Variants in ASXL1 observed in about 807,000 individuals in gnomAD.
ASXL1 encodes the protein ASXL transcriptional regulator 1.
ASXL1 carries 65 observed loss-of-function variants against 89.1 expected under a neutral mutation model. That is an observed-to-expected ratio of 0.73 (90% CI 0.60 to 0.90). The LOEUF (loss-of-function observed/expected upper bound fraction) is 0.90. Ranked by LOEUF, ASXL1 falls within the 40% of genes least tolerant of loss-of-function variation. The pLI, the probability that ASXL1 is intolerant of heterozygous loss-of-function variation, is 0.00. For synonymous variants in ASXL1, 739 were observed against 746.9 expected, an observed-to-expected ratio of 0.99 and a Z score of 0.17; for missense variants, 1,786 against 1,942.9, an observed-to-expected ratio of 0.92 and a Z score of 1.52.
intron 4 of ASXL1, among the ~76,000 whole-genome samples, chr20:32,389,889 C>A (rs899737035): frequency 6.6e-6 from 1 of 152,190 alleles, no homozygotes; most frequent in African/African-American, 2.4e-5. Flanking sequence ...TTTTAGTGTA[C>A]AAGTATACAG....
intron 4 of ASXL1, among the ~76,000 whole-genome samples, chr20:32,422,580 ATTTTT>A (rs11167168): frequency 2.8e-5 from 3 of 108,044 alleles, no homozygotes; most frequent in African/African-American, 3.8e-5. Context: ...GGATTGGTTA[ATTTTT>A]TTTTTTTTTT....
rs2012011815 is a variant in ASXL1, at chr20:32,437,726, TC to T, written c.*390del. On this transcript the variant is annotated 3_prime_UTR_variant, in exon 13 of 13. Transcript: ENST00000375687. ...CTGAACTAAGTAGAAATGCCAGTCT[TC>T]CACTACCCCCTCCCTGCCATCTTTT... The T allele has an allele frequency of 6.4e-6, 2 of 312,896 alleles. No homozygotes were observed. Among genetic ancestry groups the T allele is most frequent in the South Asian group, 1.2e-4 (2 of 16,810 alleles). The allele number at this position is 312,896 out of a possible 1,614,324, so 19.4% of individuals were successfully genotyped here. A position where few individuals can be genotyped will look rare whatever the true frequency, so the allele number is the denominator to read the frequency against.
rs2011936914 is a variant in ASXL1 at position 32,436,874 on chromosome 20, A to G, written c.4162A>G (p.Thr1388Ala). Residue 1388 changes from threonine (T) to alanine (A), a missense_variant, in exon 13 of 13, where the codon ACT becomes GCT. Thr to Ala is a moderately conservative substitution (Grantham distance 58). Around this residue, in one of 3 missense-constraint regions of ASXL1, gnomAD observed 1,418 missense variants for 1,427.8 expected, o/e 0.99. Transcript: ENST00000375687. Reference sequence around the variant, plus strand: ...GGCAAATGCCGAGAACAGGAAAGCTACTGGGCATAGTCCCCTGGAACTGGT... The same window carrying G: ...GGCAAATGCCGAGAACAGGAAAGCTGCTGGGCATAGTCCCCTGGAACTGGT... ...LKANAENRKA[T>A]GHSPLELVGH... 3.1e-6 allele frequency: 5 copies of G among 1,614,226 alleles called. No homozygotes were observed. The highest frequency in any genetic ancestry group is 4.2e-6 in the Non-Finnish European group (5 of 1,180,036).
chr20:32,358,419 TC>T lies in ASXL1; in HGVS notation c.-355del. The T allele has an allele frequency of 4.3e-6, 1 of 233,260 alleles. No homozygotes were observed. Among genetic ancestry groups the T allele is most frequent in the African/African-American group, 2.2e-5 (1 of 45,060 alleles). 14.4% of individuals were successfully genotyped at this position (233,260 alleles called of 1,614,324 possible). A position where few individuals can be genotyped will look rare whatever the true frequency, so the allele number is the denominator to read the frequency against. On this transcript the variant is annotated 5_prime_UTR_variant, in exon 1 of 13. Transcript: ENST00000375687. ...TCTCGCCCTCCCGCCCCGCCGTCGGTCCTGTCTCAGTCCCTCAGCAGAGCGG... is the reference window on the plus strand; with the variant it reads ...TCTCGCCCTCCCGCCCCGCCGTCGGTCTGTCTCAGTCCCTCAGCAGAGCGG...
chr20:32,381,735 C>T (rs1385555791), intron 4 of ASXL1, among the ~76,000 whole-genome samples: 1 of 151,712 alleles, frequency 6.6e-6, no homozygotes, highest in Admixed American at 6.6e-5. Flanking sequence ...AGGATGGTCT[C>T]GATCTTTTGA....
chr20:32,433,968 G>A (rs2011630296), intron 12 of ASXL1, 51 bp downstream of exon 12: 19 of 1,604,286 alleles, frequency 1.2e-5, no homozygotes, highest in Non-Finnish European at 1.4e-5. Flanking sequence ...TTTCTTTGAG[G>A]GTCATGAGAT....
intron 4 of ASXL1, among the ~76,000 whole-genome samples, chr20:32,425,600 C>G (rs1417007439): frequency 6.6e-6 from 1 of 152,108 alleles, no homozygotes; most frequent in South Asian, 2.1e-4. Context: ...AGATTAAATA[C>G]CCTTTTATAT....
In ASXL1 at chr20:32,358,810, C is replaced by T; in HGVS notation, c.35C>T (p.Thr12Met). The change falls in exon 1 of 13, where the codon ACG becomes ATG. Residue 12 changes from threonine (T) to methionine (M), a missense_variant. By Grantham distance (81) the Thr-to-Met change is moderately conservative. Coordinates refer to ENST00000375687, the MANE Select transcript of ASXL1 (RefSeq NM_015338.6). ...KDKQKKKKER[T>M]WAEAARLVLE... is the part of the protein sequence containing the mutation. ...AAACAGAAGAAGAAGAAGGAGCGCA[C>T]GTGGGCCGAGGCCGCGCGCCTGGTG... 1.3e-6 allele frequency: 2 copies of T among 1,507,104 alleles called. No homozygotes were observed. Among genetic ancestry groups the T allele is most frequent in the Non-Finnish European group, 1.8e-6 (2 of 1,126,808 alleles). 93.4% of individuals were successfully genotyped at this position (1,507,104 alleles called of 1,614,324 possible). A position where few individuals can be genotyped will look rare whatever the true frequency, so the allele number is the denominator to read the frequency against.
chr20:32,373,006 G>A (rs2048324751), intron 4 of ASXL1, among the ~76,000 whole-genome samples: 1 of 148,756 alleles, frequency 6.7e-6, no homozygotes, highest in South Asian at 2.1e-4. Flanking sequence ...TGAACTTTTG[G>A]ACTCAAGCGA....
intron 2 of ASXL1, among the ~76,000 whole-genome samples, chr20:32,366,978 GT>G (rs1361473183): frequency 6.6e-6 from 1 of 151,326 alleles, no homozygotes; most frequent in Non-Finnish European, 1.5e-5. Context: ...TTATGGTGTA[GT>G]TTTCCTGGAG....
chr20:32,413,882 G>A (rs1298572406), intron 4 of ASXL1, among the ~76,000 whole-genome samples: 1 of 152,202 alleles, frequency 6.6e-6, no homozygotes, highest in East Asian at 1.9e-4. Context: ...TTTATGTAGA[G>A]CAGATTGACG....
In ASXL1 at chr20:32,436,479, A is replaced by T. The variant is rs763441935; in HGVS notation, c.3767A>T (p.Asn1256Ile). The T allele has an allele frequency of 1.2e-6, 2 of 1,614,202 alleles. No individual in the cohort carries two copies. Among genetic ancestry groups the T allele is most frequent in the East Asian group, 2.2e-5 (1 of 44,878 alleles). The part of the protein sequence containing the change: ...VRAMSQDSNS[N>I]AAPGKSPGDL... ...GCTATGTCACAGGACAGTAATTCAA[A>T]TGCTGCTCCAGGAAAGAGCCCAGGA... is the stretch of plus-strand genomic sequence containing the variant. Residue 1256 changes from asparagine (N) to isoleucine (I), a missense_variant, in exon 13 of 13, where the codon AAT (asparagine) becomes ATT (isoleucine). Asn to Ile is a moderately radical substitution (Grantham distance 149, BLOSUM62 -3). Transcript: ENST00000375687.
chr20:32,413,402 T>A (rs1350203900), intron 4 of ASXL1, among the ~76,000 whole-genome samples: 1 of 152,198 alleles, frequency 6.6e-6, no homozygotes. Context: ...GTAATCATGT[T>A]ATATTTCACA....
chr20:32,421,238 A>T (rs983070238), intron 4 of ASXL1, among the ~76,000 whole-genome samples: 3 of 148,768 alleles, frequency 2.0e-5, no homozygotes, highest in African/African-American at 7.6e-5. Context: ...AGTAAAATTT[A>T]AAAAAAAAAA....
rs1201385882 is a variant in ASXL1, at chr20:32,436,816, G to A, written c.4104G>A (p.Lys1368=). Residue 1368 remains lysine (K), a synonymous_variant, in exon 13 of 13, where the codon AAG becomes AAA. Transcript: ENST00000375687. The stretch of plus-strand genomic sequence containing the variant: ...CACATGCCTTTGTTGGCAGCGTCAA[G>A]AATGAGAAGACTTTTGTGGGGGGTC... ...PKPHAFVGSV[K]NEKTFVGGPL... The A allele has an allele frequency of 6.2e-7, 1 of 1,614,210 alleles. No individual in the cohort carries two copies.
At chr20:32,397,399 C>CTTTT (rs1199602381) in intron 4 of ASXL1, among the ~76,000 whole-genome samples, 1 of 96,680 alleles carries the variant, frequency 1.0e-5, no homozygotes, top group Non-Finnish European at 2.1e-5. Context: ...CACTCCTGGC[C>CTTTT]TTTTTTTTTT....
At chr20:32,407,830 A>G (rs1376050241) in intron 4 of ASXL1, among the ~76,000 whole-genome samples, 1 of 152,156 alleles carries the variant, frequency 6.6e-6, no homozygotes, top group Admixed American at 6.5e-5. Flanking sequence ...AGTCTGTTTT[A>G]TCCACATTAA....
rs1254271466 is a variant in ASXL1, at chr20:32,434,431, G to T, written c.1720-1G>T. ...ACTATTTTCTAATTCTTTTTTTGCA[G>T]ATTCAACTTTCACGTATCAAACCAC... is the stretch of plus-strand genomic sequence containing the variant. On this transcript the variant is annotated splice_acceptor_variant, in intron 12 of 12. Coordinates refer to ENST00000375687, the MANE Select transcript of ASXL1 (RefSeq NM_015338.6). LOFTEE classifies it high-confidence loss of function. 2 of 1,613,846 alleles carry T rather than the reference G, an allele frequency of 1.2e-6. No homozygotes were observed. The highest frequency in any genetic ancestry group is 1.7e-6 in the Non-Finnish European group (2 of 1,179,994).
intron 1 of ASXL1, among the ~76,000 whole-genome samples, chr20:32,364,423 G>A (rs757879180): frequency 7.9e-5 from 12 of 151,650 alleles, no homozygotes; most frequent in Non-Finnish European, 7.4e-5. Flanking sequence ...TCACCATGTC[G>A]CCCAGGCTGG....
Sources: allele counts gnomAD v4.1 joint callset (sites outside exome capture counted in the v4.1 genomes callset), GRCh38; gene constraint gnomAD v4.1.1; regional missense constraint gnomAD v4.1.1; transcripts MANE v1.5; gene names NCBI Gene and HGNC (gene_info 2026-07-23, HGNC 2026-07-21).